The following EHF variants were observed in gnomAD, a reference collection of about 807,000 sequenced individuals.
The protein encoded by EHF is ESE3 transcription factor.
In EHF, 14 loss-of-function variants were observed where a neutral mutation model predicts 45.1. That is an observed-to-expected ratio of 0.31 (90% confidence interval 0.21 to 0.49). EHF has a LOEUF of 0.49. Among genes scored for constraint, EHF ranks in the 20% least tolerant of loss-of-function variants. EHF has a pLI of 0.99. For missense variants in EHF, 282 were observed against 371.4 expected, an observed-to-expected ratio of 0.76 and a Z score of 1.98; for synonymous variants, 136 against 131.8, an observed-to-expected ratio of 1.03 and a Z score of -0.22.
chr11:34,640,931 T>A (rs1853937133), intron 1 of EHF, among the ~76,000 whole-genome samples: 1 of 152,110 alleles, frequency 6.6e-6, no homozygotes, highest in Admixed American at 6.5e-5. Flanking sequence ...TAATCTCCAA[T>A]CAATGTACAG....
At position 34,658,465 on chromosome 11, in the gene EHF, C is replaced by T. The variant is rs1855859842; in HGVS notation, c.608-68C>T. 4 of 1,379,842 alleles carry T rather than the reference C, an allele frequency of 2.9e-6. No homozygotes were observed. The African/African-American group carries it at 5.8e-5, about 20-fold the overall frequency. The allele number at this position is 1,379,842 out of a possible 1,614,324, so 85.5% of individuals were successfully genotyped here. A position where few individuals can be genotyped will look rare whatever the true frequency, so the allele number is the denominator to read the frequency against. ...CTACTTGCAGGAAGATGACCTAACTCAATGCTCTCTGCCCTATCTTTGCTG... is the reference window on the plus strand; with the variant it reads ...CTACTTGCAGGAAGATGACCTAACTTAATGCTCTCTGCCCTATCTTTGCTG... On this transcript the variant is annotated intron_variant, in intron 7 of 8. Coordinates refer to ENST00000257831, the MANE Select transcript of EHF (RefSeq NM_012153.6).
At chr11:34,649,645 A>G (rs1012790628) in intron 4 of EHF, among the ~76,000 whole-genome samples, 3 of 152,220 alleles carry the variant, frequency 2.0e-5, no homozygotes, top group Non-Finnish European at 4.4e-5. Context: ...CTCTGAGCAG[A>G]GTCTACAGTC....
At chr11:34,627,068 C>T (rs10488740) in intron 1 of EHF, among the ~76,000 whole-genome samples, 70,736 of 151,642 alleles carry the variant, frequency 0.47, 17,400 homozygotes, top group Non-Finnish European at 0.54. Flanking sequence ...CAGTGAGTTT[C>T]TGTTGGGTCA....
At chr11:34,624,373 C>A in intron 1 of EHF, 1 of 937,550 alleles carries the variant, frequency 1.1e-6, no homozygotes, top group Non-Finnish European at 1.3e-6. Context: ...GGAGGGCAGC[C>A]ACACCTTGCC....
At chr11:34,640,584 G>T (rs1565032178) in intron 1 of EHF, among the ~76,000 whole-genome samples, 1 of 152,204 alleles carries the variant, frequency 6.6e-6, no homozygotes, top group Non-Finnish European at 1.5e-5. Flanking sequence ...GGGACTTAGA[G>T]ATTTTCTTTC....
intron 1 of EHF, among the ~76,000 whole-genome samples, chr11:34,633,296 T>C (rs1482799103): frequency 1.3e-5 from 2 of 152,240 alleles, no homozygotes; most frequent in Non-Finnish European, 2.9e-5. Flanking sequence ...TTGAATTCTC[T>C]ACATTGAATC....
intron 6 of EHF, among the ~76,000 whole-genome samples, chr11:34,656,188 T>C (rs1158861463): frequency 1.3e-5 from 2 of 152,104 alleles, no homozygotes; most frequent in African/African-American, 4.8e-5. Context: ...TCTTTGGTAA[T>C]AGTCGCAGAG....
Position 34,659,018 on chromosome 11 carries a change from C to T in EHF, c.*87C>T. ...CTGGACGTAAATATTTCAAAGACTACTTTTCTCTGATATTTATGTACCATG... is the reference window on the plus strand; with the variant it reads ...CTGGACGTAAATATTTCAAAGACTATTTTTCTCTGATATTTATGTACCATG... On this transcript the variant is annotated 3_prime_UTR_variant, in exon 9 of 9. Coordinates refer to ENST00000257831, the MANE Select transcript of EHF (RefSeq NM_012153.6). The T allele has an allele frequency of 9.9e-7, 1 of 1,013,136 alleles. No homozygotes were observed. The highest frequency in any genetic ancestry group is 1.4e-6 in the Non-Finnish European group (1 of 695,132). 62.8% of individuals were successfully genotyped at this position (1,013,136 alleles called of 1,614,324 possible). A position where few individuals can be genotyped will look rare whatever the true frequency, so the allele number is the denominator to read the frequency against.
At chr11:34,643,157 T>C (rs1483229588) in intron 2 of EHF, among the ~76,000 whole-genome samples, 4 of 152,004 alleles carry the variant, frequency 2.6e-5, no homozygotes, top group Non-Finnish European at 5.9e-5. Context: ...CTTTCTTTTT[T>C]CGTCTTCCAG....
chr11:34,646,427 C>T lies in EHF; in HGVS notation c.98-12C>T, dbSNP rs372872116. ...CCAGGGGTCACTCATGAGGCTGCTT[C>T]CTGTTTTGCAGTTTCCAGTGGGTTT... On this transcript the variant is annotated splice_polypyrimidine_tract_variant and intron_variant, in intron 2 of 8. Coordinates refer to ENST00000257831, the MANE Select transcript of EHF (RefSeq NM_012153.6). The T allele has an allele frequency of 3.8e-4, 615 of 1,613,772 alleles. 1 individual carries two copies. Among genetic ancestry groups the T allele is most frequent in the Middle Eastern group, 8.5e-4 (5 of 5,866 alleles).
chr11:34,639,154 A>C (rs750851268), intron 1 of EHF, among the ~76,000 whole-genome samples: 1 of 152,202 alleles, frequency 6.6e-6, no homozygotes, highest in Non-Finnish European at 1.5e-5. Context: ...TCAAGGTCAC[A>C]TGGCTGAAAG....
rs375772005 is a variant in EHF at position 34,646,543 on chromosome 11, C to G, written c.202C>G (p.Leu68Val). Residue 68 changes from leucine to valine, a missense_variant, in exon 3 of 9, where the codon CTG (leucine) becomes GTG (valine). Physicochemically the swap from Leu to Val is conservative, Grantham distance 32 (BLOSUM62 1). This residue lies in a region of EHF where 213 missense variants were observed against 247.3 expected (regional missense o/e 0.86). Transcript: ENST00000257831. ...WLQHLLDTNQ[L>V]DANCIPFQEF... is the part of the protein sequence containing the mutation. ...CCAGCACCTCCTGGACACCAACCAG[C>G]TGGATGCCAATTGTATCCCTTTCCA... 1 of 1,613,882 alleles carries G rather than the reference C, an allele frequency of 6.2e-7. No individual in the cohort carries two copies. Among genetic ancestry groups the G allele is most frequent in the South Asian group, 1.1e-5 (1 of 91,028 alleles).
chr11:34,651,621 C>T lies in EHF; in HGVS notation c.475+11C>T. On this transcript the variant is annotated intron_variant, in intron 5 of 8. Transcript: ENST00000257831. ...ATGGTAGCACAGTAGGTAACTAACTCCCTGACACTTAAGGCCCTTTACATT... is the reference window on the plus strand; with the variant it reads ...ATGGTAGCACAGTAGGTAACTAACTTCCTGACACTTAAGGCCCTTTACATT... The T allele has an allele frequency of 6.2e-7, 1 of 1,612,596 alleles. No homozygotes were observed. Among genetic ancestry groups the T allele is most frequent in the South Asian group, 1.1e-5 (1 of 91,064 alleles).
At chr11:34,631,398 T>A (rs953341589) in intron 1 of EHF, 2 of 167,042 alleles carry the variant, frequency 1.2e-5, no homozygotes, top group Admixed American at 6.5e-5. Context: ...TGCCATTGCT[T>A]AATTAATGTT....
intron 1 of EHF, among the ~76,000 whole-genome samples, chr11:34,641,571 T>A (rs1012707802): frequency 6.6e-6 from 1 of 152,068 alleles, no homozygotes. Context: ...TTCCATGAAT[T>A]GCTGCTATAA....
At chr11:34,642,350 T>C (rs1590476734) in intron 1 of EHF, 1 of 254,918 alleles carries the variant, frequency 3.9e-6, no homozygotes. Context: ...TGGGAGCAGG[T>C]ATTGCATTTT....
At chr11:34,646,391 G>A (rs1193800415) in intron 2 of EHF, 48 bp from the exon 3 acceptor site, 4 of 1,608,400 alleles carry the variant, frequency 2.5e-6, no homozygotes, top group Non-Finnish European at 8.5e-7. Context: ...AGATACTATG[G>A]CCAGGAACAG....
rs937842639 is a variant in EHF at position 34,661,270 on chromosome 11, T to C, written c.*2339T>C. On this transcript the variant is annotated 3_prime_UTR_variant, in exon 9 of 9. Coordinates refer to ENST00000257831, the MANE Select transcript of EHF (RefSeq NM_012153.6). ...GTGTGTCTGAGTTGTGTGATTTTAT[T>C]AGGGGCATCTGCCAATTCTCTCACT... 6.6e-6 allele frequency among the ~76,000 whole-genome samples: 1 copy of C among 152,152 alleles called. No individual in the cohort carries two copies. The highest frequency in any genetic ancestry group is 2.4e-5 in the African/African-American group (1 of 41,444).
chr11:34,656,916 C>T lies in EHF; in HGVS notation c.553C>T (p.Pro185Ser), dbSNP rs1855725573. The change falls in exon 7 of 9, where the codon CCT (proline) becomes TCT (serine). Residue 185 changes from proline to serine, a missense_variant. Transcript: ENST00000257831. ...CTCATTTTTCTCCTTAGCAGAGTCA[C>T]CTGATATGAAAAAGGAGCAAGACCC... ...TTSHLPVAES[P>S]DMKKEQDPPA... The T allele has an allele frequency of 6.2e-7, 1 of 1,613,448 alleles. No individual in the cohort carries two copies. The highest frequency in any genetic ancestry group is 1.3e-5 in the African/African-American group (1 of 74,872).
Sources: gnomAD v4.1 joint callset for allele counts (sites outside exome capture counted in the v4.1 genomes callset) on GRCh38, gnomAD v4.1.1 for gene constraint, gnomAD v4.1.1 regional missense constraint, MANE v1.5 for transcripts, NCBI Gene and HGNC (gene_info 2026-07-23, HGNC 2026-07-21) for gene names.